The following PPM1H variants were observed in gnomAD, a reference collection of about 807,000 sequenced individuals.
The protein encoded by PPM1H is protein phosphatase, Mg2+/Mn2+ dependent 1H.
Under a neutral mutation model 54.9 loss-of-function variants are expected in PPM1H, and 27 were observed. That is an observed-to-expected ratio of 0.49 (90% CI 0.36 to 0.68). The LOEUF (loss-of-function observed/expected upper bound fraction) is 0.68, where lower values mean the gene tolerates loss of function less well. Among genes scored for constraint, PPM1H ranks in the 30% least tolerant of loss-of-function variants. The pLI is 0.00. For missense variants in PPM1H, 596 were observed against 667.8 expected (o/e 0.89, Z 1.19); for synonymous variants, 305 against 270.8 (o/e 1.13, Z -1.24).
At chr12:62,738,292 T>C (rs1243588090) in intron 4 of PPM1H, among the ~76,000 whole-genome samples, 1 of 152,004 alleles carries the variant, frequency 6.6e-6, no homozygotes, top group African/African-American at 2.4e-5. Flanking sequence ...TGGTGATTCA[T>C]AAGCACAGGG....
At chr12:62,712,733 G>A (rs1302843733) in intron 6 of PPM1H, among the ~76,000 whole-genome samples, 4 of 152,182 alleles carry the variant, frequency 2.6e-5, no homozygotes, top group African/African-American at 9.6e-5. Context: ...TAGACCCACA[G>A]GCATGGCCAA....
At chr12:62,694,722 C>T (rs1265076850) in intron 6 of PPM1H, among the ~76,000 whole-genome samples, 1 of 152,228 alleles carries the variant, frequency 6.6e-6, no homozygotes, top group African/African-American at 2.4e-5. Context: ...AGCCCAGTTA[C>T]AGCTGTTTAT....
chr12:62,756,008 TG>T, intron 4 of PPM1H: 1 of 1,388,272 alleles, frequency 7.2e-7, no homozygotes, highest in Non-Finnish European at 1.0e-6. Flanking sequence ...ATCAAGAAGG[TG>T]GTGAAGCAGG....
chr12:62,759,879 C>G (rs2076497584), intron 4 of PPM1H, among the ~76,000 whole-genome samples: 1 of 151,962 alleles, frequency 6.6e-6, no homozygotes. Context: ...TTCCACTTTC[C>G]TGGGGGGCAA....
At chr12:62,874,438 G>A (rs1270257060) in intron 1 of PPM1H, among the ~76,000 whole-genome samples, 2 of 151,968 alleles carry the variant, frequency 1.3e-5, no homozygotes. Context: ...TAAAAACAGG[G>A]CATACATCTA....
At chr12:62,799,403 TCAA>T (rs1024310002) in intron 3 of PPM1H, among the ~76,000 whole-genome samples, 1 of 152,224 alleles carries the variant, frequency 6.6e-6, no homozygotes, top group African/African-American at 2.4e-5. Context: ...AATGAAAATC[TCAA>T]CGTTTCCTTT....
At chr12:62,755,029 C>T (rs1033748484) in intron 4 of PPM1H, among the ~76,000 whole-genome samples, 1 of 152,178 alleles carries the variant, frequency 6.6e-6, no homozygotes, top group Non-Finnish European at 1.5e-5. Context: ...GGAAATCACA[C>T]AAGAACAGGC....
At chr12:62,925,335 T>C (rs550585989) in intron 1 of PPM1H, among the ~76,000 whole-genome samples, 2 of 152,216 alleles carry the variant, frequency 1.3e-5, no homozygotes, top group African/African-American at 4.8e-5. Flanking sequence ...TCCCAGCATT[T>C]TGGGAGGCCA....
At chr12:62,668,668 T>C (rs1323936480) in intron 8 of PPM1H, among the ~76,000 whole-genome samples, 1 of 144,074 alleles carries the variant, frequency 6.9e-6, no homozygotes, top group Non-Finnish European at 1.5e-5. Context: ...TGAGCCACCA[T>C]GCCCAGCCCA....
chr12:62,676,596 G>A (rs1206958012), intron 8 of PPM1H, among the ~76,000 whole-genome samples: 5 of 152,192 alleles, frequency 3.3e-5, no homozygotes, highest in African/African-American at 1.2e-4. Flanking sequence ...CTCCAGTGTG[G>A]AGCAAAGTTG....
chr12:62,732,498 A>C (rs1440570632), intron 5 of PPM1H, among the ~76,000 whole-genome samples: 1 of 152,308 alleles, frequency 6.6e-6, no homozygotes, highest in East Asian at 1.9e-4. Context: ...CCATTTCTAC[A>C]AGTCAAACAG....
At chr12:62,839,883 A>C (rs887523661) in intron 1 of PPM1H, among the ~76,000 whole-genome samples, 1 of 151,300 alleles carries the variant, frequency 6.6e-6, no homozygotes, top group Non-Finnish European at 1.5e-5. Flanking sequence ...ACAAAAAAAA[A>C]AAAAAAACAC....
rs150951660 is a variant in PPM1H, at chr12:62,701,570, G to A, written c.1074-7571C>T. Among the ~76,000 whole-genome samples the A allele has an allele frequency of 2.1e-3, 314 of 152,174 alleles. 2 individuals carry two copies. Among genetic ancestry groups the A allele is most frequent in the South Asian group, 0.018 (85 of 4,824 alleles). ...CCTTAAAGTTCTCCACTGAATTCCCGTCATCTTAAAATACAATCCAATGAT... is the reference window on the plus strand; with the variant it reads ...CCTTAAAGTTCTCCACTGAATTCCCATCATCTTAAAATACAATCCAATGAT... On this transcript the variant is annotated intron_variant, in intron 6 of 9. Coordinates refer to ENST00000228705, the MANE Select transcript of PPM1H (RefSeq NM_020700.2).
At chr12:62,729,225 A>G (rs943361199) in intron 5 of PPM1H, among the ~76,000 whole-genome samples, 2 of 152,218 alleles carry the variant, frequency 1.3e-5, no homozygotes, top group African/African-American at 4.8e-5. Flanking sequence ...TGGGTCACAC[A>G]CTGAAGAGGA....
chr12:62,802,558 T>G (rs2076777396), intron 2 of PPM1H, among the ~76,000 whole-genome samples: 1 of 129,326 alleles, frequency 7.7e-6, no homozygotes, highest in African/African-American at 2.7e-5. Flanking sequence ...ACCTAACTCC[T>G]TAACTCCCGT....
At chr12:62,724,992 C>T (rs1000292429) in intron 5 of PPM1H, among the ~76,000 whole-genome samples, 4 of 152,258 alleles carry the variant, frequency 2.6e-5, no homozygotes, top group Middle Eastern at 3.4e-3. Context: ...ATGAGAGCAC[C>T]GGTGACGCAG....
intron 6 of PPM1H, among the ~76,000 whole-genome samples, chr12:62,698,141 G>C (rs1004689696): frequency 6.6e-6 from 1 of 151,794 alleles, no homozygotes; most frequent in African/African-American, 2.4e-5. Flanking sequence ...CCTGGAAGGA[G>C]CAGTTCAGCA....
chr12:62,806,310 C>T (rs76021737), intron 2 of PPM1H, among the ~76,000 whole-genome samples: 3,005 of 152,042 alleles, frequency 0.02, 114 homozygotes, highest in African/African-American at 0.067. Context: ...GTGTTAGGTG[C>T]TAAGAAATAA....
chr12:62,824,228 C>T (rs1868261573), intron 2 of PPM1H, among the ~76,000 whole-genome samples: 1 of 152,116 alleles, frequency 6.6e-6, no homozygotes, highest in African/African-American at 2.4e-5. Context: ...AAACTACAAA[C>T]CACTGCTCAA....
Sources: gnomAD v4.1 joint callset for allele counts (sites outside exome capture counted in the v4.1 genomes callset) on GRCh38, gnomAD v4.1.1 for gene constraint, MANE v1.5 for transcripts, NCBI Gene and HGNC (gene_info 2026-07-23, HGNC 2026-07-21) for gene names.